The following TMEM232 variants were observed in gnomAD, a reference collection of about 807,000 sequenced individuals.
The protein encoded by TMEM232 is transmembrane protein 232.
A neutral mutation model predicts 78.8 loss-of-function variants in TMEM232; 80 were observed. The ratio of observed to expected loss-of-function variants is 1.01; its 90% CI spans 0.85 to 1.22. The LOEUF (loss-of-function observed/expected upper bound fraction) is 1.22, where lower values mean the gene tolerates loss of function less well. Ranked by LOEUF, TMEM232 falls within the 50% of genes most tolerant of loss-of-function variation. The pLI, the probability that TMEM232 is intolerant of heterozygous loss-of-function variation, is 0.00. For synonymous variants in TMEM232, 297 were observed against 254.3 expected (o/e 1.17, Z -1.60); for missense variants, 881 against 742.2 (o/e 1.19, Z -2.17).
intron 10 of TMEM232, among the ~76,000 whole-genome samples, chr5:110,597,342 C>T (rs1780298869): frequency 6.6e-6 from 1 of 152,088 alleles, no homozygotes; most frequent in Non-Finnish European, 1.5e-5. Flanking sequence ...AACTACAAAC[C>T]ACTGCTCAAT....
chr5:110,728,218 CAT>C (rs566821627), upstream of TMEM232, among the ~76,000 whole-genome samples: 601 of 150,474 alleles, frequency 4.0e-3, 2 homozygotes, highest in Non-Finnish European at 6.7e-3. Flanking sequence ...TTCACAAATA[CAT>C]ATATATATAT....
chr5:110,618,136 G>C (rs1561395131), intron 8 of TMEM232, among the ~76,000 whole-genome samples: 1 of 151,972 alleles, frequency 6.6e-6, no homozygotes. Flanking sequence ...GGAATATAAA[G>C]GCTGTTTGCA....
intron 12 of TMEM232, chr5:110,430,222 CTTTTT>C (rs1348494799): frequency 4.0e-5 from 6 of 151,572 alleles, no homozygotes; most frequent in African/African-American, 1.5e-4. Context: ...AATTAACTTT[CTTTTT>C]AACTTTCTCT....
intron 11 of TMEM232, among the ~76,000 whole-genome samples, chr5:110,552,065 T>G (rs746496201): frequency 3.3e-5 from 5 of 152,078 alleles, no homozygotes; most frequent in African/African-American, 4.8e-5. Flanking sequence ...AATAAGATAA[T>G]AACAAAATAT....
intron 10 of TMEM232, among the ~76,000 whole-genome samples, chr5:110,589,148 C>G (rs1293365153): frequency 1.3e-5 from 2 of 152,052 alleles, no homozygotes; most frequent in Admixed American, 1.3e-4. Flanking sequence ...AAAATAAATA[C>G]TAACAGTCTG....
chr5:110,656,951 G>T (rs559816870), intron 2 of TMEM232, among the ~76,000 whole-genome samples: 1 of 152,010 alleles, frequency 6.6e-6, no homozygotes, highest in South Asian at 2.1e-4. Flanking sequence ...ATAATTGTAC[G>T]TATTTATGGG....
chr5:110,557,860 A>C (rs768039553), intron 11 of TMEM232, among the ~76,000 whole-genome samples: 1 of 152,152 alleles, frequency 6.6e-6, no homozygotes, highest in Non-Finnish European at 1.5e-5. Flanking sequence ...ACTATATCAA[A>C]GACACTCTGG....
intron 1 of TMEM232, among the ~76,000 whole-genome samples, chr5:110,678,228 C>T (rs532830868): frequency 6.6e-6 from 1 of 152,074 alleles, no homozygotes; most frequent in African/African-American, 2.4e-5. Context: ...CCAAGCCTGG[C>T]TAATTTTTGT....
chr5:110,628,173 C>A (rs553869244), intron 5 of TMEM232, among the ~76,000 whole-genome samples: 2 of 151,722 alleles, frequency 1.3e-5, no homozygotes, highest in South Asian at 4.2e-4. Context: ...AAGTCATGCC[C>A]CTTAAGTGAG....
intron 8 of TMEM232, among the ~76,000 whole-genome samples, chr5:110,615,237 G>A (rs368912185): frequency 6.6e-6 from 1 of 151,882 alleles, no homozygotes; most frequent in East Asian, 1.9e-4. Flanking sequence ...ACTTTTAGAA[G>A]GGTCTACAGT....
chr5:110,526,211 A>G (rs1770574122), intron 12 of TMEM232, among the ~76,000 whole-genome samples: 1 of 151,542 alleles, frequency 6.6e-6, no homozygotes, highest in Non-Finnish European at 1.5e-5. Context: ...AGGAAAATTA[A>G]TAAATACATT....
chr5:110,394,838 G>A (rs2112561098), intron 3 of TMEM232, among the ~76,000 whole-genome samples: 1 of 151,978 alleles, frequency 6.6e-6, no homozygotes, highest in Admixed American at 6.6e-5. Flanking sequence ...CTCAATTTTG[G>A]GCCTTCCCAA....
In TMEM232 at chr5:110,510,954, A is replaced by G. The variant is rs148683873; in HGVS notation, c.1703+17634T>C. ...CAATCTCATTACTGGGTATATACGCAAAGGATTATAAATCATTCTACTATA... is the reference window on the plus strand; with the variant it reads ...CAATCTCATTACTGGGTATATACGCGAAGGATTATAAATCATTCTACTATA... On this transcript the variant is annotated intron_variant, in intron 12 of 13. Coordinates refer to ENST00000455884, the MANE Select transcript of TMEM232 (RefSeq NM_001039763.4). 6.3e-3 allele frequency among the ~76,000 whole-genome samples: 959 copies of G among 152,270 alleles called. 6 individuals are homozygous for G. The highest frequency in any genetic ancestry group is 0.024 in the Middle Eastern group (7 of 294).
intron 2 of TMEM232, among the ~76,000 whole-genome samples, chr5:110,649,371 T>C (rs1787972034): frequency 6.6e-6 from 1 of 152,116 alleles, no homozygotes; most frequent in Admixed American, 6.6e-5. Context: ...TACACAAGTA[T>C]TTGATTTATA....
chr5:110,536,794 TG>T (rs1772414672), intron 11 of TMEM232, among the ~76,000 whole-genome samples: 1 of 152,154 alleles, frequency 6.6e-6, no homozygotes, highest in South Asian at 2.1e-4. Context: ...ATGGTCTGTG[TG>T]GGGCATGGGG....
chr5:110,679,870 G>A (rs930587382), intron 1 of TMEM232, among the ~76,000 whole-genome samples: 1 of 151,880 alleles, frequency 6.6e-6, no homozygotes, highest in Non-Finnish European at 1.5e-5. Context: ...TTGATTTTTG[G>A]CTGTCTTTTT....
intron 11 of TMEM232, among the ~76,000 whole-genome samples, chr5:110,530,175 A>G (rs1771225630): frequency 6.6e-6 from 1 of 152,258 alleles, no homozygotes. Flanking sequence ...AGTATAGTAG[A>G]GAAAATGAGT....
At chr5:110,589,625 T>C (rs971548441) in intron 10 of TMEM232, among the ~76,000 whole-genome samples, 3 of 152,136 alleles carry the variant, frequency 2.0e-5, no homozygotes, top group African/African-American at 7.2e-5. Context: ...ACAAATAAAC[T>C]TTTATTGCCT....
chr5:110,732,078 G>A (rs1272024598), intron 2 of TMEM232, among the ~76,000 whole-genome samples: 1 of 152,136 alleles, frequency 6.6e-6, no homozygotes, highest in Non-Finnish European at 1.5e-5. Flanking sequence ...CTAGGGCAAA[G>A]GCAAAATGCC....
Sources: gnomAD v4.1 joint callset for allele counts (sites outside exome capture counted in the v4.1 genomes callset) on GRCh38, gnomAD v4.1.1 for gene constraint, MANE v1.5 for transcripts, NCBI Gene and HGNC (gene_info 2026-07-23, HGNC 2026-07-21) for gene names.